CTSH: variants seen among roughly 807,000 people sequenced by gnomAD.
CTSH encodes the protein pro-cathepsin H.
Under a neutral mutation model 56.3 loss-of-function variants are expected in CTSH, and 52 were observed. The ratio of observed to expected loss-of-function variants is 0.92; its 90% CI spans 0.74 to 1.16. The LOEUF (loss-of-function observed/expected upper bound fraction) is 1.16, where lower values mean the gene tolerates loss of function less well. CTSH is among the 50% of genes most tolerant of loss of function. CTSH has a pLI of 0.00. For synonymous variants in CTSH, 174 were observed against 155.7 expected (o/e 1.12, Z -0.88); for missense variants, 406 against 424.5 (o/e 0.96, Z 0.38).
At chr15:78,927,416 T>A (rs1016934960) in intron 9 of CTSH, 2 of 466,662 alleles carry the variant, frequency 4.3e-6, no homozygotes, top group African/African-American at 2.0e-5. Flanking sequence ...CATACCCTCT[T>A]CTGCAGGATG....
intron 10 of CTSH, 48 bp downstream of exon 10, chr15:78,925,286 C>T (rs766349549): frequency 7.9e-7 from 1 of 1,262,400 alleles, no homozygotes; most frequent in Admixed American, 1.7e-5. Flanking sequence ...AGGAGGCCCA[C>T]CAAGCCCCTC....
intron 1 of CTSH, among the ~76,000 whole-genome samples, chr15:78,943,069 T>C (rs1460439284): frequency 6.6e-6 from 1 of 151,968 alleles, no homozygotes; most frequent in Non-Finnish European, 1.5e-5. Flanking sequence ...GGAGGCAGGG[T>C]TTGAGTTTAG....
intron 3 of CTSH, among the ~76,000 whole-genome samples, chr15:78,936,673 A>T (rs1481649481): frequency 6.6e-6 from 1 of 150,826 alleles, no homozygotes; most frequent in African/African-American, 2.4e-5. Flanking sequence ...CTTGTTGCCC[A>T]GGCTGGAGTG....
At chr15:78,929,351 G>A (rs1296362942) in intron 8 of CTSH, 61 bp downstream of exon 8, 1 of 1,277,320 alleles carries the variant, frequency 7.8e-7, no homozygotes, top group African/African-American at 1.5e-5. Context: ...CAAGGCTGGG[G>A]AGGGAGTGAA....
chr15:78,928,362 C>G (rs1021429203), intron 8 of CTSH, among the ~76,000 whole-genome samples: 1 of 125,204 alleles, frequency 8.0e-6, no homozygotes, highest in Non-Finnish European at 1.8e-5. Flanking sequence ...GCCAGGAGTT[C>G]AATACCAGTC....
intron 11 of CTSH, 130 bp downstream of exon 11, chr15:78,922,863 G>T: frequency 1.8e-6 from 2 of 1,115,652 alleles, no homozygotes; most frequent in East Asian, 2.6e-5. Context: ...CTTTCCCCCT[G>T]GCCTGGCCTA....
chr15:78,928,469 G>A (rs1363952342), intron 8 of CTSH, among the ~76,000 whole-genome samples: 1 of 150,996 alleles, frequency 6.6e-6, no homozygotes, highest in African/African-American at 2.4e-5. Context: ...AGGAGGCTGA[G>A]GCAGATAACT....
At chr15:78,924,385 A>T (rs73470386) in intron 10 of CTSH, among the ~76,000 whole-genome samples, 1 of 151,940 alleles carries the variant, frequency 6.6e-6, no homozygotes, top group Non-Finnish European at 1.5e-5. Context: ...AAGCTGGAAC[A>T]GTGTGTGGGG....
At position 78,944,909 on chromosome 15, in the gene CTSH, G is replaced by A. The variant is rs541062615; in HGVS notation, c.73C>T (p.Leu25=). 1.9e-6 allele frequency: 3 copies of A among 1,548,596 alleles called. No homozygotes were observed. In the African/African-American group the frequency reaches 4.1e-5, roughly 21 times the overall value. ...TGCGTACCTAAGGAGTTCACGCACA[G>A]TTCGGCGGCACCGCAGACGGGGACT... is the stretch of plus-strand genomic sequence containing the variant. ...LGVPVCGAAE[L]CVNSLEKFHF... is the part of the protein sequence containing the mutation. Residue 25 remains leucine (L), a synonymous_variant, in exon 1 of 12, where the codon CTG becomes TTG. Coordinates refer to ENST00000220166, the MANE Select transcript of CTSH (RefSeq NM_004390.5).
chr15:78,939,859 G>A (rs1296389664), intron 1 of CTSH, among the ~76,000 whole-genome samples: 1 of 152,234 alleles, frequency 6.6e-6, no homozygotes, highest in Non-Finnish European at 1.5e-5. Flanking sequence ...CTCCAGCCTG[G>A]GCGACAGAGA....
intron 8 of CTSH, among the ~76,000 whole-genome samples, chr15:78,928,564 C>CAA (rs869261525): frequency 2.3e-3 from 150 of 65,522 alleles, no homozygotes; most frequent in Non-Finnish European, 3.4e-3. Flanking sequence ...GACTCCGTCT[C>CAA]AAAAAAAAAA....
At chr15:78,932,762 C>T (rs2055091613) in intron 5 of CTSH, among the ~76,000 whole-genome samples, 1 of 152,184 alleles carries the variant, frequency 6.6e-6, no homozygotes, top group South Asian at 2.1e-4. Flanking sequence ...GACTCCCAAT[C>T]ACCACCTCTT....
At chr15:78,925,209 A>AG in intron 10 of CTSH, 125 bp downstream of exon 10, 2 of 631,844 alleles carry the variant, frequency 3.2e-6, no homozygotes, top group Non-Finnish European at 5.8e-6. Flanking sequence ...AGCACCTGGC[A>AG]GGTGTCATGA....
At position 78,931,494 on chromosome 15, in the gene CTSH, G is replaced by A. The variant is rs1314327045; in HGVS notation, c.505C>T (p.Leu169=). The A allele has an allele frequency of 1.9e-6, 3 of 1,614,130 alleles. No homozygotes were observed. The highest frequency in any genetic ancestry group is 2.5e-6 in the Non-Finnish European group (3 of 1,180,046). ...GKMLSLAEQQ[L]VDCAQDFNNH... ...TTGAAGTCCTGGGCGCAGTCCACCA[G>A]CTGCTGTTCCGCCTGGAAGAAGGAC... Residue 169 remains leucine, a synonymous_variant, in exon 7 of 12, where the codon CTG becomes TTG. Coordinates refer to ENST00000220166, the MANE Select transcript of CTSH (RefSeq NM_004390.5).
At chr15:78,925,210 G>C in intron 10 of CTSH, 124 bp downstream of exon 10, 1 of 634,224 alleles carries the variant, frequency 1.6e-6, no homozygotes, top group South Asian at 1.8e-5. Flanking sequence ...GCACCTGGCA[G>C]GTGTCATGAA....
In CTSH at chr15:78,934,859, G is replaced by C. The variant is rs768206788; in HGVS notation, c.405+119C>G. 5 of 750,174 alleles carry C rather than the reference G, an allele frequency of 6.7e-6. No individual in the cohort carries two copies. In the Admixed American group the frequency reaches 9.9e-5, roughly 15 times the overall value. 46.5% of individuals were successfully genotyped at this position (750,174 alleles called of 1,614,324 possible). A position where few individuals can be genotyped will look rare whatever the true frequency, so the allele number is the denominator to read the frequency against. On this transcript the variant is annotated intron_variant, in intron 5 of 11. Coordinates refer to ENST00000220166, the MANE Select transcript of CTSH (RefSeq NM_004390.5). Reference sequence around the variant, plus strand: ...AAGAGGGCTGGAGAGATGCCGAGAGGAAACAGAGGCAGGGATGTGCTTGTG... The same window carrying C: ...AAGAGGGCTGGAGAGATGCCGAGAGCAAACAGAGGCAGGGATGTGCTTGTG...
intron 1 of CTSH, among the ~76,000 whole-genome samples, chr15:78,941,854 A>C (rs2055301999): frequency 6.6e-6 from 1 of 152,188 alleles, no homozygotes; most frequent in African/African-American, 2.4e-5. Flanking sequence ...TTAGTGTCCC[A>C]ACTGATTAAA....
chr15:78,939,667 T>A (rs2055247837), intron 1 of CTSH, among the ~76,000 whole-genome samples: 1 of 152,178 alleles, frequency 6.6e-6, no homozygotes, highest in African/African-American at 2.4e-5. Context: ...GTGGGCCGAT[T>A]GCCTGAGGTC....
intron 5 of CTSH, chr15:78,933,363 A>G (rs1027031012): frequency 3.6e-6 from 1 of 277,722 alleles, no homozygotes; most frequent in African/African-American, 2.2e-5. Context: ...TCAGGCAGTC[A>G]CCCCCGTGGG....
Sources: allele counts gnomAD v4.1 joint callset (sites outside exome capture counted in the v4.1 genomes callset), GRCh38; gene constraint gnomAD v4.1.1; transcripts MANE v1.5; gene names NCBI Gene and HGNC (gene_info 2026-07-23, HGNC 2026-07-21).